The following LSAMP variants were observed in gnomAD, a reference collection of about 807,000 sequenced individuals.
The protein encoded by LSAMP is limbic system associated membrane protein.
LSAMP carries 7 observed loss-of-function variants against 38.6 expected under a neutral mutation model. The observed-to-expected ratio is 0.18, with a 90% confidence interval of 0.10 to 0.34. LSAMP has a LOEUF of 0.34. LSAMP is among the 10% of genes least tolerant of loss of function. The pLI is 1.00. For missense variants in LSAMP, 313 were observed against 420.0 expected (o/e 0.75, Z 2.23); for synonymous variants, 154 against 166.8 (o/e 0.92, Z 0.59).
intron 1 of LSAMP, among the ~76,000 whole-genome samples, chr3:116,328,657 G>A (rs75692268): frequency 0.051 from 7,734 of 152,100 alleles, 256 homozygotes; most frequent in Non-Finnish European, 0.078. Flanking sequence ...AAAGTGATAG[G>A]GGCATCATCA....
intron 2 of LSAMP, among the ~76,000 whole-genome samples, chr3:116,056,673 A>G (rs1941495558): frequency 6.6e-6 from 1 of 152,144 alleles, no homozygotes; most frequent in Admixed American, 6.6e-5. Context: ...GATTTTAGCA[A>G]CACTTCTCTC....
chr3:116,277,933 T>C (rs372144632), intron 1 of LSAMP, among the ~76,000 whole-genome samples: 5 of 152,212 alleles, frequency 3.3e-5, no homozygotes, highest in Admixed American at 3.3e-4. Context: ...TACTGTAATA[T>C]ACAAGATGTC....
At chr3:115,919,870 G>T (rs1208794821) in intron 3 of LSAMP, among the ~76,000 whole-genome samples, 1 of 152,180 alleles carries the variant, frequency 6.6e-6, no homozygotes, top group Non-Finnish European at 1.5e-5. Context: ...CTTTGGCAAA[G>T]TGCTAGGATT....
intron 1 of LSAMP, among the ~76,000 whole-genome samples, chr3:116,351,739 G>T (rs2048143304): frequency 6.6e-6 from 1 of 152,038 alleles, no homozygotes; most frequent in Non-Finnish European, 1.5e-5. Flanking sequence ...AGATTCTTTT[G>T]CTATCCAGTA....
chr3:116,246,326 TAGG>T (rs146183639), intron 1 of LSAMP, among the ~76,000 whole-genome samples: 2,746 of 152,294 alleles, frequency 0.018, 86 homozygotes, highest in African/African-American at 0.061. Context: ...TGGGAATACA[TAGG>T]AGCATAAATA....
chr3:116,116,323 T>C (rs1358854708), intron 1 of LSAMP, among the ~76,000 whole-genome samples: 1 of 152,012 alleles, frequency 6.6e-6, no homozygotes, highest in Middle Eastern at 3.4e-3. Context: ...GTTGTCATTA[T>C]CATTTGTTTA....
At chr3:116,153,845 G>C (rs1709679627) in intron 1 of LSAMP, among the ~76,000 whole-genome samples, 1 of 151,922 alleles carries the variant, frequency 6.6e-6, no homozygotes, top group Non-Finnish European at 1.5e-5. Flanking sequence ...AGTAGAAAAA[G>C]ATAAGTTTTA....
At position 116,352,285 on chromosome 3, in the gene LSAMP, T is replaced by G. The variant is rs184726772; in HGVS notation, c.155+92592A>C. ...TCATGGCAGCCAGCGGAGAGCAAAG[T>G]TCTAAAGTACATACTATGAAAGAGT... On this transcript the variant is annotated intron_variant, in intron 1 of 6. Transcript: ENST00000490035. Among the ~76,000 whole-genome samples, 4 of 152,198 alleles carry G rather than the reference T, an allele frequency of 2.6e-5. No homozygotes were observed. In the East Asian group the frequency reaches 7.7e-4, roughly 29 times the overall value.
intron 1 of LSAMP, among the ~76,000 whole-genome samples, chr3:116,204,367 T>C (rs1576430088): frequency 6.6e-6 from 1 of 152,194 alleles, no homozygotes; most frequent in Non-Finnish European, 1.5e-5. Flanking sequence ...TTCACTCTGA[T>C]GGTAGTTTCT....
In LSAMP at chr3:116,236,672, G is replaced by C. The variant is rs145249120; in HGVS notation, c.156-150116C>G. On this transcript the variant is annotated intron_variant, in intron 1 of 6. Transcript: ENST00000490035. The stretch of plus-strand genomic sequence containing the variant: ...ACAATTGAGCCAATTATTGTACACT[G>C]CATAATGCTTAGTTAACACCTTTGG... Among the ~76,000 whole-genome samples the C allele has an allele frequency of 3.5e-3, 539 of 152,144 alleles. 6 individuals carry two copies. The highest frequency in any genetic ancestry group is 0.012 in the African/African-American group (516 of 41,546).
chr3:116,392,099 C>T (rs2048708942), intron 1 of LSAMP, among the ~76,000 whole-genome samples: 1 of 152,186 alleles, frequency 6.6e-6, no homozygotes, highest in South Asian at 2.1e-4. Context: ...CCTGCCCAGG[C>T]CCAGCAAGAA....
chr3:116,113,426 T>A lies in LSAMP; in HGVS notation c.156-26870A>T, dbSNP rs1293536795. The stretch of plus-strand genomic sequence containing the variant: ...TATATATATATATATATATATTTTT[T>A]TTTTTTTTTTTTTTTTTGAGATGGA... On this transcript the variant is annotated intron_variant, in intron 1 of 6. Coordinates refer to ENST00000490035, the MANE Select transcript of LSAMP (RefSeq NM_002338.5). Among the ~76,000 whole-genome samples, 236 of 114,236 alleles carry A rather than the reference T, an allele frequency of 2.1e-3. 1 individual carries two copies. Among genetic ancestry groups the A allele is most frequent in the African/African-American group, 8.5e-3 (220 of 25,952 alleles). 74.9% of individuals were successfully genotyped at this position (114,236 alleles called of 152,430 possible).
intron 1 of LSAMP, among the ~76,000 whole-genome samples, chr3:116,366,121 A>G (rs1032752333): frequency 6.6e-6 from 1 of 151,220 alleles, no homozygotes; most frequent in Non-Finnish European, 1.5e-5. Flanking sequence ...CAGTCTATCC[A>G]TCTCACAAAA....
intron 1 of LSAMP, among the ~76,000 whole-genome samples, chr3:116,155,350 A>G (rs1709720422): frequency 6.6e-6 from 1 of 151,758 alleles, no homozygotes; most frequent in Admixed American, 6.6e-5. Context: ...TCAGTCTCCC[A>G]AGAAGTTGGG....
At chr3:116,370,943 G>A (rs1019787611) in intron 1 of LSAMP, among the ~76,000 whole-genome samples, 2 of 152,126 alleles carry the variant, frequency 1.3e-5, no homozygotes, top group African/African-American at 4.8e-5. Context: ...AGAGAGTACT[G>A]AGAAAATTGT....
intron 1 of LSAMP, among the ~76,000 whole-genome samples, chr3:116,438,886 A>G (rs1274085778): frequency 6.6e-6 from 1 of 152,144 alleles, no homozygotes; most frequent in Non-Finnish European, 1.5e-5. Flanking sequence ...ATGGTGGTCT[A>G]TTTCCTCTCT....
At chr3:115,943,134 C>G (rs1020561127) in intron 3 of LSAMP, among the ~76,000 whole-genome samples, 2 of 152,106 alleles carry the variant, frequency 1.3e-5, no homozygotes, top group African/African-American at 4.8e-5. Context: ...AAACTATGAA[C>G]AAACATCTTG....
chr3:115,933,034 A>C (rs1025968017), intron 3 of LSAMP, among the ~76,000 whole-genome samples: 4 of 152,192 alleles, frequency 2.6e-5, no homozygotes, highest in Non-Finnish European at 5.9e-5. Flanking sequence ...AAGAGAAAAT[A>C]AAGTGGGGAA....
chr3:116,057,178 T>C (rs1336613343), intron 2 of LSAMP, among the ~76,000 whole-genome samples: 1 of 152,176 alleles, frequency 6.6e-6, no homozygotes, highest in Non-Finnish European at 1.5e-5. Context: ...ACTCTCACTT[T>C]GGATATTGCT....
Sources: allele counts gnomAD v4.1 joint callset (sites outside exome capture counted in the v4.1 genomes callset), GRCh38; gene constraint gnomAD v4.1.1; transcripts MANE v1.5; gene names NCBI Gene and HGNC (gene_info 2026-07-23, HGNC 2026-07-21).